Variants in ANKRD42 observed in about 807,000 individuals in gnomAD.
ANKRD42 encodes ankyrin repeat domain-containing protein 42.
A neutral mutation model predicts 51.5 loss-of-function variants in ANKRD42; 43 were observed. The ratio of observed to expected loss-of-function variants is 0.83; its 90% confidence interval spans 0.65 to 1.08. The LOEUF (loss-of-function observed/expected upper bound fraction) is 1.08. ANKRD42 is among the 50% of genes least tolerant of loss of function. The pLI is 0.00. For missense variants in ANKRD42, 608 were observed against 629.3 expected, an observed-to-expected ratio of 0.97 and a Z score of 0.36; for synonymous variants, 203 against 213.0, an observed-to-expected ratio of 0.95 and a Z score of 0.41.
At chr11:83,234,774 T>C (rs1863178545) in intron 7 of ANKRD42, among the ~76,000 whole-genome samples, 1 of 152,220 alleles carries the variant, frequency 6.6e-6, no homozygotes, top group South Asian at 2.1e-4. Context: ...TGAGAAATCC[T>C]GAAGTTTCTG....
At chr11:83,263,387 C>A (rs1184364143), downstream of ANKRD42, among the ~76,000 whole-genome samples, 1 of 151,958 alleles carries the variant, frequency 6.6e-6, no homozygotes, top group Non-Finnish European at 1.5e-5. Context: ...GTTGCAGTAA[C>A]AACAACAATT....
At position 83,239,384 on chromosome 11, in the gene ANKRD42, C is replaced by T. The variant is rs145948535; in HGVS notation, c.1020-1375C>T. 2.0e-5 allele frequency among the ~76,000 whole-genome samples: 3 copies of T among 152,078 alleles called. No homozygotes were observed. In the East Asian group the frequency reaches 5.8e-4, roughly 29 times the overall value. Reference sequence around the variant, plus strand: ...ACCGGTTGTATCTCGTTTTTTCATTCTCTTAATGTCTTTGAAGAGCAAAAT... The same window carrying T: ...ACCGGTTGTATCTCGTTTTTTCATTTTCTTAATGTCTTTGAAGAGCAAAAT... On this transcript the variant is annotated intron_variant, in intron 8 of 10. Transcript: ENST00000533342.
At position 83,245,394 on chromosome 11, in the gene ANKRD42, C is replaced by T; in HGVS notation, c.1196-104C>T. ...CCTCCACCCCCCTCTCCAAACCATA[C>T]AGACACTAGTCTAGAGGAAGAATAT... On this transcript the variant is annotated intron_variant, in intron 9 of 10. Coordinates refer to ENST00000533342, the MANE Select transcript of ANKRD42 (RefSeq NM_001300975.2). 8.0e-6 allele frequency: 10 copies of T among 1,257,756 alleles called. No homozygotes were observed. In the South Asian group the frequency reaches 1.6e-4, roughly 20 times the overall value. The allele number at this position is 1,257,756 out of a possible 1,614,324, so 77.9% of individuals were successfully genotyped here. A position where few individuals can be genotyped will look rare whatever the true frequency, so the allele number is the denominator to read the frequency against.
chr11:83,198,770 A>G (rs1296229473), intron 2 of ANKRD42, 128 bp downstream of exon 2: 1 of 816,134 alleles, frequency 1.2e-6, no homozygotes, highest in Non-Finnish European at 1.7e-6. Flanking sequence ...TAGTCAGTTT[A>G]ATATTTGGGT....
At chr11:83,240,215 A>G (rs1863345532) in intron 8 of ANKRD42, among the ~76,000 whole-genome samples, 1 of 152,236 alleles carries the variant, frequency 6.6e-6, no homozygotes, top group Non-Finnish European at 1.5e-5. Flanking sequence ...GAGATGCAGG[A>G]AAGATTAAGG....
At chr11:83,211,539 G>A (rs985262033) in intron 5 of ANKRD42, 109 bp downstream of exon 5, 1 of 1,239,348 alleles carries the variant, frequency 8.1e-7, no homozygotes, top group Non-Finnish European at 1.1e-6. Context: ...GCTTACATCT[G>A]TAATCTCAGC....
chr11:83,257,877 C>T (rs1863801170), downstream of ANKRD42, among the ~76,000 whole-genome samples: 1 of 152,232 alleles, frequency 6.6e-6, no homozygotes, highest in African/African-American at 2.4e-5. Context: ...TCCATTCTCC[C>T]TTCTTCTGTA....
At chr11:83,225,937 A>G (rs1256941876) in intron 6 of ANKRD42, among the ~76,000 whole-genome samples, 5 of 151,922 alleles carry the variant, frequency 3.3e-5, no homozygotes, top group African/African-American at 9.7e-5. Context: ...AGTTATATAT[A>G]TGAGTTGGGG....
intron 3 of ANKRD42, chr11:83,210,017 A>G: frequency 8.5e-6 from 3 of 354,430 alleles, no homozygotes; most frequent in East Asian, 5.6e-5. Context: ...CAACTTGAGA[A>G]TTTATGTTTC....
At chr11:83,231,631 C>G (rs568134989) in intron 7 of ANKRD42, among the ~76,000 whole-genome samples, 5 of 152,276 alleles carry the variant, frequency 3.3e-5, no homozygotes, top group African/African-American at 9.6e-5. Flanking sequence ...TTTGCCCAGA[C>G]CAATGTCCTG....
At chr11:83,197,508 G>T (rs1358872898) in intron 1 of ANKRD42, among the ~76,000 whole-genome samples, 1 of 152,178 alleles carries the variant, frequency 6.6e-6, no homozygotes, top group Non-Finnish European at 1.5e-5. Flanking sequence ...TTAACATTCT[G>T]ATTGTGGAGA....
At chr11:83,229,719 AC>A (rs1378042492) in intron 7 of ANKRD42, among the ~76,000 whole-genome samples, 1 of 152,104 alleles carries the variant, frequency 6.6e-6, no homozygotes, top group Non-Finnish European at 1.5e-5. Context: ...TTTGCTCTTC[AC>A]CCTCTTTTCG....
rs773040374 is a variant in ANKRD42, at chr11:83,212,679, C to T, written c.586+1249C>T. On this transcript the variant is annotated intron_variant, in intron 5 of 10. Transcript: ENST00000533342. ...ACCTCCTTAGATCCCTGTGGAGCCT[C>T]TGATTCCTTGGCTTGGCATGCTGGA... is the stretch of plus-strand genomic sequence containing the variant. 1.4e-5 allele frequency: 21 copies of T among 1,536,114 alleles called. 1 individual carries two copies. In the South Asian group the frequency reaches 2.3e-4, roughly 17 times the overall value.
At chr11:83,255,818 T>C in intron 11 of ANKRD42, 1 of 1,499,394 alleles carries the variant, frequency 6.7e-7, no homozygotes, top group South Asian at 1.3e-5. Flanking sequence ...GAAAATTGTA[T>C]TTGACCCTCT....
downstream of ANKRD42, among the ~76,000 whole-genome samples, chr11:83,250,747 T>G (rs1235380821): frequency 1.3e-5 from 2 of 152,182 alleles, no homozygotes; most frequent in Non-Finnish European, 2.9e-5. Context: ...TGCATTTAAA[T>G]TAATGGCATC....
chr11:83,227,669 TG>T, intron 6 of ANKRD42, 77 bp from the exon 7 acceptor site: 1 of 1,463,436 alleles, frequency 6.8e-7, no homozygotes, highest in African/African-American at 1.4e-5. Flanking sequence ...TATTGAAACC[TG>T]AAATATATGA....
intron 7 of ANKRD42, among the ~76,000 whole-genome samples, chr11:83,234,635 G>C (rs1288022115): frequency 4.6e-5 from 7 of 152,084 alleles, no homozygotes; most frequent in Admixed American, 4.6e-4. Flanking sequence ...TGAAATGTTG[G>C]GCTAAATTCA....
At chr11:83,228,455 C>G (rs928516401) in intron 7 of ANKRD42, among the ~76,000 whole-genome samples, 3 of 151,854 alleles carry the variant, frequency 2.0e-5, no homozygotes, top group Non-Finnish European at 2.9e-5. Context: ...ATCTTGAACT[C>G]CTGGCCTCAA....
chr11:83,232,050 T>C (rs1320939331), intron 7 of ANKRD42, among the ~76,000 whole-genome samples: 1 of 152,048 alleles, frequency 6.6e-6, no homozygotes, highest in African/African-American at 2.4e-5. Context: ...TCTTTTTGCT[T>C]AAGATAGCTT....
Sources: gnomAD v4.1 joint callset for allele counts (sites outside exome capture counted in the v4.1 genomes callset) on GRCh38, gnomAD v4.1.1 for gene constraint, MANE v1.5 for transcripts, NCBI Gene and HGNC (gene_info 2026-07-23, HGNC 2026-07-21) for gene names.